The following EPB41 variants were observed in gnomAD, a reference collection of about 807,000 sequenced individuals.
EPB41 encodes erythrocyte membrane protein band 4.1.
Under a neutral mutation model 108.0 loss-of-function variants are expected in EPB41, and 65 were observed. That is an observed-to-expected ratio of 0.60 (90% CI 0.49 to 0.74). The LOEUF is 0.74. EPB41 is among the 30% of genes least tolerant of loss of function. EPB41 has a pLI of 0.00. For synonymous variants in EPB41, 336 were observed against 358.9 expected (o/e 0.94, Z 0.72); for missense variants, 875 against 1,037.0 (o/e 0.84, Z 2.15).
chr1:28,966,927 A>G (rs2095369263), intron 1 of EPB41, among the ~76,000 whole-genome samples: 1 of 150,748 alleles, frequency 6.6e-6, no homozygotes, highest in Non-Finnish European at 1.5e-5. Context: ...CTGTACTTTT[A>G]GTAGGATCAT....
At position 29,119,938 on chromosome 1, in the gene EPB41, C is replaced by A. The variant is rs543352122; in HGVS notation, c.*3126C>A. ...TAGACTACACAGGCAATAATCAAGT[C>A]TGCTGTTTTGGCCTTTCGTAGTAGA... On this transcript the variant is annotated 3_prime_UTR_variant, in exon 21 of 21. Coordinates refer to ENST00000343067, the MANE Select transcript of EPB41 (RefSeq NM_001376013.1). 3.9e-5 allele frequency: 6 copies of A among 152,634 alleles called. No homozygotes were observed. The highest frequency in any genetic ancestry group is 8.8e-5 in the Non-Finnish European group (6 of 68,054). The allele number at this position is 152,634 out of a possible 1,614,324, so 9.5% of individuals were successfully genotyped here.
intron 4 of EPB41, among the ~76,000 whole-genome samples, chr1:29,003,754 G>A (rs959630819): frequency 6.6e-6 from 1 of 152,048 alleles, no homozygotes; most frequent in African/African-American, 2.4e-5. Flanking sequence ...CTATTGCTAG[G>A]GTCTGGCAAG....
At chr1:28,968,706 A>G (rs2095420334) in intron 1 of EPB41, among the ~76,000 whole-genome samples, 1 of 152,040 alleles carries the variant, frequency 6.6e-6, no homozygotes, top group Non-Finnish European at 1.5e-5. Flanking sequence ...GCTCACACCT[A>G]TAATCCCAGC....
At chr1:28,951,791 C>T (rs1055117843) in intron 1 of EPB41, among the ~76,000 whole-genome samples, 7 of 152,060 alleles carry the variant, frequency 4.6e-5, no homozygotes, top group African/African-American at 1.7e-4. Flanking sequence ...GAGGTTGAGG[C>T]TGCAGTGAGC....
At chr1:29,078,451 C>G (rs1042324196) in intron 16 of EPB41, among the ~76,000 whole-genome samples, 3 of 152,056 alleles carry the variant, frequency 2.0e-5, no homozygotes, top group African/African-American at 7.2e-5. Flanking sequence ...TCAGGGTACA[C>G]CTGAACTGTA....
At chr1:28,989,465 G>A (rs1184235441) in intron 2 of EPB41, 2 of 899,918 alleles carry the variant, frequency 2.2e-6, no homozygotes, top group African/African-American at 3.6e-5. Flanking sequence ...TGACAGTGTT[G>A]GGGGGAAAAA....
intron 16 of EPB41, chr1:29,071,259 A>C (rs1242140288): frequency 1.3e-5 from 2 of 152,202 alleles, no homozygotes; most frequent in African/African-American, 4.8e-5. Flanking sequence ...GGTGTATAGA[A>C]GAGATCTTCA....
chr1:29,108,760 T>G (rs557389583), intron 17 of EPB41, among the ~76,000 whole-genome samples: 8 of 150,930 alleles, frequency 5.3e-5, no homozygotes, highest in African/African-American at 1.7e-4. Context: ...TTTCACTCTG[T>G]TGGCCAGGCT....
intron 19 of EPB41, among the ~76,000 whole-genome samples, chr1:29,113,054 C>T (rs1012674827): frequency 1.3e-5 from 2 of 152,132 alleles, no homozygotes; most frequent in African/African-American, 2.4e-5. Flanking sequence ...ATCACTTTTC[C>T]GCTGATTTTT....
intron 1 of EPB41, among the ~76,000 whole-genome samples, chr1:28,953,708 G>A (rs2094833590): frequency 6.6e-6 from 1 of 152,152 alleles, no homozygotes; most frequent in African/African-American, 2.4e-5. Flanking sequence ...TTTTTTTAGT[G>A]AGAAAAACAT....
intron 3 of EPB41, among the ~76,000 whole-genome samples, chr1:28,994,877 C>T (rs888872254): frequency 1.3e-5 from 2 of 150,262 alleles, no homozygotes; most frequent in African/African-American, 4.9e-5. Flanking sequence ...CCAGGTTACT[C>T]TTGAGCTCCC....
intron 7 of EPB41, among the ~76,000 whole-genome samples, chr1:29,019,627 C>T (rs1158885764): frequency 2.6e-5 from 4 of 152,258 alleles, no homozygotes; most frequent in South Asian, 2.1e-4. Flanking sequence ...AAGGATCACA[C>T]TGCTCAAAGA....
chr1:28,922,876 C>T (rs1257211672), intron 1 of EPB41, among the ~76,000 whole-genome samples: 2 of 151,638 alleles, frequency 1.3e-5, no homozygotes, highest in Non-Finnish European at 2.9e-5. Flanking sequence ...ATCCGCCTGC[C>T]TCGGCCTCCC....
intron 1 of EPB41, among the ~76,000 whole-genome samples, chr1:28,906,135 T>C (rs979224980): frequency 2.0e-5 from 3 of 152,142 alleles, no homozygotes; most frequent in African/African-American, 7.2e-5. Context: ...TCTCAATTTC[T>C]TCCCCACTAA....
upstream of EPB41, among the ~76,000 whole-genome samples, chr1:28,913,732 G>A (rs2092379693): frequency 6.6e-6 from 1 of 152,104 alleles, no homozygotes; most frequent in Non-Finnish European, 1.5e-5. Context: ...CCTTCTTTCT[G>A]CACTGTGGGT....
At position 29,056,363 on chromosome 1, in the gene EPB41, T is replaced by A. The variant is rs142162495; in HGVS notation, c.1846-2226T>A. ...ATAAAGTAGCCTTGTAACTGTAAATTTCATTATCTGACATTAGTTTGGTGC... is the reference window on the plus strand; with the variant it reads ...ATAAAGTAGCCTTGTAACTGTAAATATCATTATCTGACATTAGTTTGGTGC... On this transcript the variant is annotated intron_variant, in intron 12 of 20. Coordinates refer to ENST00000343067, the MANE Select transcript of EPB41 (RefSeq NM_001376013.1). 3.1e-3 allele frequency among the ~76,000 whole-genome samples: 467 copies of A among 152,320 alleles called. 3 individuals carry two copies. The highest frequency in any genetic ancestry group is 0.011 in the African/African-American group (442 of 41,564).
At chr1:28,972,710 C>T (rs1242808208) in intron 1 of EPB41, among the ~76,000 whole-genome samples, 1 of 152,026 alleles carries the variant, frequency 6.6e-6, no homozygotes, top group Non-Finnish European at 1.5e-5. Flanking sequence ...GGCAGTTCTC[C>T]CACCTCACGT....
chr1:29,086,783 T>C (rs1008305397), intron 16 of EPB41, among the ~76,000 whole-genome samples: 10 of 152,112 alleles, frequency 6.6e-5, no homozygotes, highest in Admixed American at 2.0e-4. Context: ...TGGTCTTCAC[T>C]AAGTGGGGAA....
At chr1:29,054,294 C>T (rs1644983560) in intron 12 of EPB41, 1 of 152,116 alleles carries the variant, frequency 6.6e-6, no homozygotes, top group South Asian at 2.1e-4. Flanking sequence ...GAAGTGCTAG[C>T]TCAGATTTAT....
Sources: gnomAD v4.1 joint callset for allele counts (sites outside exome capture counted in the v4.1 genomes callset) on GRCh38, gnomAD v4.1.1 for gene constraint, MANE v1.5 for transcripts, NCBI Gene and HGNC (gene_info 2026-07-23, HGNC 2026-07-21) for gene names.